Variants in SLCO2A1 observed in about 807,000 individuals in gnomAD.
SLCO2A1 encodes solute carrier organic anion transporter family member 2A1.
A neutral mutation model predicts 71.7 loss-of-function variants in SLCO2A1; 60 were observed. That is an observed-to-expected ratio of 0.84 (90% CI 0.68 to 1.04). The LOEUF (loss-of-function observed/expected upper bound fraction) is 1.04. Among genes scored for constraint, SLCO2A1 ranks in the 50% least tolerant of loss-of-function variants. The pLI, the probability that SLCO2A1 is intolerant of heterozygous loss-of-function variation, is 0.00. For synonymous variants in SLCO2A1, 308 were observed against 326.7 expected, an observed-to-expected ratio of 0.94 and a Z score of 0.62; for missense variants, 745 against 813.4, an observed-to-expected ratio of 0.92 and a Z score of 1.02.
At chr3:133,977,142 C>T (rs1934479247) in intron 2 of SLCO2A1, among the ~76,000 whole-genome samples, 1 of 152,108 alleles carries the variant, frequency 6.6e-6, no homozygotes, top group African/African-American at 2.4e-5. Context: ...CAGAGTTGCA[C>T]ACAAATACTC....
chr3:133,948,819 G>A, intron 7 of SLCO2A1, 74 bp downstream of exon 7: 2 of 1,590,252 alleles, frequency 1.3e-6, no homozygotes, highest in African/African-American at 2.7e-5. Context: ...AACACCACAG[G>A]GGCTGGGGTC....
intron 12 of SLCO2A1, among the ~76,000 whole-genome samples, chr3:133,937,754 A>G (rs1351073159): frequency 6.6e-6 from 1 of 152,146 alleles, no homozygotes; most frequent in African/African-American, 2.4e-5. Context: ...GGATCTCTCT[A>G]TTGCTGCCTT....
At chr3:133,952,818 A>T (rs992218506) in intron 5 of SLCO2A1, among the ~76,000 whole-genome samples, 8 of 152,196 alleles carry the variant, frequency 5.3e-5, no homozygotes, top group African/African-American at 1.9e-4. Flanking sequence ...AGAAAGACAA[A>T]GTTACTTGCC....
intron 3 of SLCO2A1, among the ~76,000 whole-genome samples, chr3:133,964,518 C>T (rs56141154): frequency 6.6e-6 from 1 of 152,076 alleles, no homozygotes; most frequent in Non-Finnish European, 1.5e-5. Context: ...AACTAGATAC[C>T]AGTAAGATCA....
At chr3:133,942,403 A>G in intron 11 of SLCO2A1, 1 of 570,010 alleles carries the variant, frequency 1.8e-6, no homozygotes, top group Non-Finnish European at 3.1e-6. Context: ...CTCAGCACAG[A>G]GCCTCCCTGG....
intron 1 of SLCO2A1, among the ~76,000 whole-genome samples, chr3:133,994,859 C>G (rs1251009921): frequency 6.6e-6 from 1 of 152,144 alleles, no homozygotes; most frequent in Non-Finnish European, 1.5e-5. Flanking sequence ...ACTCTGCACG[C>G]TCCACCTGCT....
chr3:133,939,505 G>C (rs2108037334), intron 11 of SLCO2A1, among the ~76,000 whole-genome samples: 1 of 152,344 alleles, frequency 6.6e-6, no homozygotes, highest in East Asian at 1.9e-4. Flanking sequence ...CCTGTGGTTT[G>C]TTTCACCACC....
At chr3:134,003,855 A>C (rs1935150083) in intron 1 of SLCO2A1, among the ~76,000 whole-genome samples, 1 of 152,178 alleles carries the variant, frequency 6.6e-6, no homozygotes, top group African/African-American at 2.4e-5. Context: ...TATCCTAGAT[A>C]ATTTGGGTGG....
chr3:133,950,202 CCCAGCA>C (rs1392982601), intron 6 of SLCO2A1, among the ~76,000 whole-genome samples: 1 of 152,060 alleles, frequency 6.6e-6, no homozygotes, highest in African/African-American at 2.4e-5. Context: ...TCTGCCTGAC[CCCAGCA>C]CCTGCATGAT....
In SLCO2A1 at chr3:133,945,605, G is replaced by A. The variant is rs541197420; in HGVS notation, c.1296-345C>T. ...AATGGGCAGGTCACAGACAATATTCGCCTTCCCTCTTCTTCAGCCGAAAAA... is the reference window on the plus strand; with the variant it reads ...AATGGGCAGGTCACAGACAATATTCACCTTCCCTCTTCTTCAGCCGAAAAA... On this transcript the variant is annotated intron_variant, in intron 9 of 13. Transcript: ENST00000310926. Among the ~76,000 whole-genome samples the A allele has an allele frequency of 2.6e-5, 4 of 152,196 alleles. No individual in the cohort carries two copies. In the East Asian group the frequency reaches 7.7e-4, roughly 29 times the overall value.
At chr3:134,016,769 C>T in intron 1 of SLCO2A1, among the ~76,000 whole-genome samples, 1 of 152,210 alleles carries the variant, frequency 6.6e-6, no homozygotes, top group East Asian at 1.9e-4. Flanking sequence ...TAGCCCCCAA[C>T]TGGAAACAAC....
At chr3:134,010,101 C>CT (rs1427676390) in intron 1 of SLCO2A1, among the ~76,000 whole-genome samples, 1 of 152,208 alleles carries the variant, frequency 6.6e-6, no homozygotes, top group Non-Finnish European at 1.5e-5. Flanking sequence ...GCATTCACAA[C>CT]TAAATATCCA....
intron 2 of SLCO2A1, among the ~76,000 whole-genome samples, chr3:133,974,199 C>T (rs1934398760): frequency 6.6e-6 from 1 of 152,150 alleles, no homozygotes; most frequent in African/African-American, 2.4e-5. Context: ...AAAACACATT[C>T]CCTAATTAAG....
intron 12 of SLCO2A1, among the ~76,000 whole-genome samples, chr3:133,938,118 C>G (rs890176185): frequency 2.0e-5 from 3 of 152,212 alleles, no homozygotes; most frequent in Non-Finnish European, 4.4e-5. Flanking sequence ...TTTGTTCCTA[C>G]AGTGAGTTTT....
At chr3:133,976,819 G>C (rs1487340834) in intron 2 of SLCO2A1, among the ~76,000 whole-genome samples, 3 of 152,186 alleles carry the variant, frequency 2.0e-5, no homozygotes, top group Non-Finnish European at 4.4e-5. Context: ...CTAGGGCTCA[G>C]CCCTAGCCTT....
intron 1 of SLCO2A1, among the ~76,000 whole-genome samples, chr3:133,982,193 A>T (rs1007259638): frequency 2.6e-5 from 4 of 152,122 alleles, no homozygotes; most frequent in African/African-American, 9.7e-5. Flanking sequence ...GCTCACTTGA[A>T]CCCAGATTGT....
rs1934721783 is a variant in SLCO2A1 at position 133,986,667 on chromosome 3, C to T, written c.97-7049G>A. 5.3e-5 allele frequency among the ~76,000 whole-genome samples: 8 copies of T among 152,260 alleles called. No individual in the cohort carries two copies. In the South Asian group the frequency reaches 1.7e-3, roughly 32 times the overall value. ...TAATAAAGAGAGAACTTTTTACCAC[C>T]CGTGTCAAAGAGCTAAGAAAGGCTA... is the stretch of plus-strand genomic sequence containing the variant. On this transcript the variant is annotated intron_variant, in intron 1 of 13. Transcript: ENST00000310926.
chr3:133,995,314 C>G (rs1037189953), intron 1 of SLCO2A1, among the ~76,000 whole-genome samples: 2 of 152,156 alleles, frequency 1.3e-5, no homozygotes, highest in East Asian at 3.8e-4. Context: ...AATGGATTCC[C>G]CCCACCTCAG....
chr3:133,942,733 G>C lies in SLCO2A1; in HGVS notation c.1497C>G (p.Ser499=). ...YLNCSCVTGG[S]ASAKTGSCPV... ...GGCACGATCCTGTCTTTGCTGAAGC[G>C]GATCCCCCGGTCACACAGCTGCAGT... is the stretch of plus-strand genomic sequence containing the variant. Residue 499 remains serine, a synonymous_variant, in exon 11 of 14, where the codon TCC becomes TCG. Coordinates refer to ENST00000310926, the MANE Select transcript of SLCO2A1 (RefSeq NM_005630.3). The C allele has an allele frequency of 6.2e-7, 1 of 1,610,242 alleles. No homozygotes were observed. The highest frequency in any genetic ancestry group is 8.5e-7 in the Non-Finnish European group (1 of 1,178,588).
Sources: gnomAD v4.1 joint callset for allele counts (sites outside exome capture counted in the v4.1 genomes callset) on GRCh38, gnomAD v4.1.1 for gene constraint, MANE v1.5 for transcripts, NCBI Gene and HGNC (gene_info 2026-07-23, HGNC 2026-07-21) for gene names.